Variants in AP4E1 observed in about 807,000 individuals in gnomAD.
AP4E1 encodes the protein AP-4 complex subunit epsilon-1.
AP4E1 carries 56 observed loss-of-function variants against 128.2 expected under a neutral mutation model. The observed-to-expected ratio is 0.44, with a 90% CI of 0.35 to 0.55. The LOEUF is 0.55. Ranked by LOEUF, AP4E1 falls within the 20% of genes least tolerant of loss-of-function variation. The probability of loss-of-function intolerance (pLI) is 0.00; values close to 1 mark genes in which losing one functional copy is unlikely to be tolerated. For missense variants in AP4E1, 1,324 were observed against 1,307.7 expected (o/e 1.01, Z -0.19); for synonymous variants, 484 against 473.1 (o/e 1.02, Z -0.30).
In AP4E1 at chr15:50,968,317, G is replaced by A; in HGVS notation, c.1906G>A (p.Gly636Ser). ...DGFVAEGLSQ[G>S]AAPYKPPHQR... The stretch of plus-strand genomic sequence containing the variant: ...TTTTGTGGCTGAAGGACTCAGTCAG[G>A]GTGCAGCGCCTTACAAACCTCCCCA... The change falls in exon 15 of 21, where the codon GGT becomes AGT. Residue 636 changes from glycine (G) to serine (S), a missense_variant. By Grantham distance (56) the Gly-to-Ser change is moderately conservative. Transcript: ENST00000261842. The A allele has an allele frequency of 6.2e-7, 1 of 1,613,632 alleles. No homozygotes were observed. Among genetic ancestry groups the A allele is most frequent in the Non-Finnish European group, 8.5e-7 (1 of 1,179,854 alleles).
intron 11 of AP4E1, 145 bp downstream of exon 11, chr15:50,948,304 GA>G (rs1347160059): frequency 3.1e-5 from 25 of 811,074 alleles, no homozygotes; most frequent in Non-Finnish European, 3.9e-5. Context: ...TCTCTTGTCA[GA>G]AAAAGGGATT....
intron 10 of AP4E1, chr15:50,946,109 G>A (rs2064058655): frequency 3.5e-6 from 2 of 565,450 alleles, no homozygotes; most frequent in East Asian, 6.2e-5. Flanking sequence ...AGTTACATGT[G>A]TAGAGCTTTA....
At chr15:50,916,430 C>A (rs1435292778) in intron 3 of AP4E1, among the ~76,000 whole-genome samples, 1 of 152,106 alleles carries the variant, frequency 6.6e-6, no homozygotes, top group African/African-American at 2.4e-5. Flanking sequence ...AGGAAAAATT[C>A]TTTTAAGCAA....
intron 1 of AP4E1, among the ~76,000 whole-genome samples, chr15:50,910,814 C>G (rs1274841167): frequency 6.6e-6 from 1 of 152,226 alleles, no homozygotes; most frequent in Non-Finnish European, 1.5e-5. Flanking sequence ...CGTCACCATA[C>G]CCGGCTAATT....
chr15:50,965,007 C>T (rs77827498), intron 14 of AP4E1, among the ~76,000 whole-genome samples: 4,077 of 118,666 alleles, frequency 0.034, 187 homozygotes, highest in African/African-American at 0.12. Context: ...CTTTCCCTTT[C>T]GCTCCTGCTT....
At chr15:50,913,480 C>G (rs1228665134) in intron 2 of AP4E1, among the ~76,000 whole-genome samples, 1 of 152,232 alleles carries the variant, frequency 6.6e-6, no homozygotes, top group African/African-American at 2.4e-5. Context: ...GGTTTTATAA[C>G]ACTATGGCCA....
At chr15:50,952,851 G>A (rs943326870) in intron 13 of AP4E1, among the ~76,000 whole-genome samples, 1 of 152,072 alleles carries the variant, frequency 6.6e-6, no homozygotes, top group Admixed American at 6.6e-5. Flanking sequence ...GCAATGTTGT[G>A]TATTTCCTAC....
In AP4E1 at chr15:50,968,320, G is replaced by T. The variant is rs1468707360; in HGVS notation, c.1909G>T (p.Ala637Ser). Residue 637 changes from alanine to serine, a missense_variant, in exon 15 of 21, where the codon GCA becomes TCA. Transcript: ENST00000261842. Reference protein sequence around the residue: ...GFVAEGLSQGAAPYKPPHQRQ... With the variant: ...GFVAEGLSQGSAPYKPPHQRQ... ...TGTGGCTGAAGGACTCAGTCAGGGT[G>T]CAGCGCCTTACAAACCTCCCCATCA... The T allele has an allele frequency of 2.5e-6, 4 of 1,613,632 alleles. No homozygotes were observed. The African/African-American group carries it at 4.0e-5, about 16-fold the overall frequency.
intron 15 of AP4E1, among the ~76,000 whole-genome samples, chr15:50,978,135 T>C (rs1043827066): frequency 6.6e-6 from 1 of 152,184 alleles, no homozygotes; most frequent in Non-Finnish European, 1.5e-5. Context: ...GAAAATATCA[T>C]GGGATACTAA....
intron 13 of AP4E1, among the ~76,000 whole-genome samples, chr15:50,953,227 GT>G (rs2064175035): frequency 6.6e-6 from 1 of 152,024 alleles, no homozygotes; most frequent in Non-Finnish European, 1.5e-5. Flanking sequence ...TTGATTATTG[GT>G]TTCTGTGGCC....
intron 3 of AP4E1, among the ~76,000 whole-genome samples, chr15:50,923,227 C>T (rs1157401904): frequency 6.6e-6 from 1 of 152,134 alleles, no homozygotes; most frequent in Non-Finnish European, 1.5e-5. Flanking sequence ...GAGAAAATTC[C>T]TTGGAGTATC....
chr15:50,945,023 G>T, intron 10 of AP4E1: 1 of 774,250 alleles, frequency 1.3e-6, no homozygotes, highest in South Asian at 1.4e-5. Flanking sequence ...ACTTTTGTGG[G>T]ACTTCTTTTT....
chr15:50,946,758 ATAT>A (rs1310746651), intron 10 of AP4E1, among the ~76,000 whole-genome samples: 1 of 152,108 alleles, frequency 6.6e-6, no homozygotes, highest in Non-Finnish European at 1.5e-5. Context: ...TCTGAGACTT[ATAT>A]TTTTGAAACC....
rs747328255 is a variant in AP4E1, at chr15:50,941,581, T to A, written c.1066+17T>A. ...AATATTTAGGTAAGATGATTGGTTC[T>A]TTTGACAGAAATTACAGAGATAGCT... On this transcript the variant is annotated intron_variant, in intron 9 of 20. Coordinates refer to ENST00000261842, the MANE Select transcript of AP4E1 (RefSeq NM_007347.5). The A allele has an allele frequency of 1.2e-6, 2 of 1,612,674 alleles. No individual in the cohort carries two copies. The highest frequency in any genetic ancestry group is 1.7e-6 in the Non-Finnish European group (2 of 1,179,412).
At chr15:50,967,341 T>C (rs1470943491) in intron 14 of AP4E1, among the ~76,000 whole-genome samples, 4 of 152,178 alleles carry the variant, frequency 2.6e-5, no homozygotes, top group Non-Finnish European at 5.9e-5. Context: ...TAGCTAGGCA[T>C]GATATAATCA....
At chr15:50,988,715 T>C (rs896257873) in intron 16 of AP4E1, among the ~76,000 whole-genome samples, 2 of 152,052 alleles carry the variant, frequency 1.3e-5, no homozygotes, top group African/African-American at 2.4e-5. Context: ...AAATTTGAAG[T>C]ATGGTTTCTG....
intron 10 of AP4E1, chr15:50,945,689 G>A: frequency 2.5e-6 from 2 of 785,676 alleles, no homozygotes; most frequent in Non-Finnish European, 4.7e-6. Flanking sequence ...ATTATGTGTG[G>A]ATCTGATGAA....
Position 50,948,001 on chromosome 15 carries a change from A to G in AP4E1, c.1177-19A>G. ...GCATAGTTTTATAATATTGTTTTTA[A>G]TTTTTCTTCTTTAAATAGACTCTGG... On this transcript the variant is annotated intron_variant, in intron 10 of 20. Transcript: ENST00000261842. 1 of 1,552,744 alleles carries G rather than the reference A, an allele frequency of 6.4e-7. No homozygotes were observed. Among genetic ancestry groups the G allele is most frequent in the African/African-American group, 1.4e-5 (1 of 73,418 alleles).
intron 14 of AP4E1, among the ~76,000 whole-genome samples, chr15:50,964,955 C>CCCCCCCCCCCCCA (rs1555459128): frequency 1.5e-5 from 2 of 131,370 alleles, no homozygotes; most frequent in African/African-American, 6.0e-5. Flanking sequence ...CCTCCCCCTA[C>CCCCCCCCCCCCCA]CACACACACA....
Sources: gnomAD v4.1 joint callset for allele counts (sites outside exome capture counted in the v4.1 genomes callset) on GRCh38, gnomAD v4.1.1 for gene constraint, MANE v1.5 for transcripts, NCBI Gene and HGNC (gene_info 2026-07-23, HGNC 2026-07-21) for gene names.